FNDC1: variants seen among roughly 807,000 people sequenced by gnomAD.
The protein encoded by FNDC1 is fibronectin type III domain containing 1.
Under a neutral mutation model 168.0 loss-of-function variants are expected in FNDC1, and 96 were observed. The observed-to-expected ratio is 0.57, with a 90% CI of 0.48 to 0.68. The LOEUF is 0.68. Ranked by LOEUF, FNDC1 falls within the 30% of genes least tolerant of loss-of-function variation. FNDC1 has a pLI of 0.00. For missense variants in FNDC1, 2,587 were observed against 2,482.1 expected, an observed-to-expected ratio of 1.04 and a Z score of -0.90; for synonymous variants, 1,099 against 1,025.9, an observed-to-expected ratio of 1.07 and a Z score of -1.36.
intron 5 of FNDC1, among the ~76,000 whole-genome samples, chr6:159,217,551 T>C (rs1055897875): frequency 6.6e-6 from 1 of 152,146 alleles, no homozygotes; most frequent in African/African-American, 2.4e-5. Context: ...ATCCCTTCCC[T>C]GATACAGCCT....
At chr6:159,205,715 T>C (rs1782473139) in intron 4 of FNDC1, among the ~76,000 whole-genome samples, 1 of 152,238 alleles carries the variant, frequency 6.6e-6, no homozygotes, top group African/African-American at 2.4e-5. Context: ...CATGAAACTA[T>C]GAGGCTGAGT....
At chr6:159,260,608 C>G (rs984256262) in intron 18 of FNDC1, among the ~76,000 whole-genome samples, 1 of 152,224 alleles carries the variant, frequency 6.6e-6, no homozygotes, top group Non-Finnish European at 1.5e-5. Context: ...ACCCAATATA[C>G]CATTGTCATG....
rs768313869 is a variant in FNDC1 at position 159,221,627 on chromosome 6, C to A, written c.697C>A (p.Gln233Lys). ...GGAATCCGTGTATGTGGTCTCCCTG[C>A]AGTCCATGAACTCTCAGGGCCGGAG... ...ASESVYVVSLQSMNSQGRSQP... is the reference protein window; with the variant it reads ...ASESVYVVSLKSMNSQGRSQP... The change falls in exon 6 of 23, where the codon CAG becomes AAG. Residue 233 changes from glutamine (Q) to lysine (K), a missense_variant. By Grantham distance (53) the Gln-to-Lys change is moderately conservative. Transcript: ENST00000297267. 1 of 1,613,956 alleles carries A rather than the reference C, an allele frequency of 6.2e-7. No individual in the cohort carries two copies. The highest frequency in any genetic ancestry group is 8.5e-7 in the Non-Finnish European group (1 of 1,179,804).
intron 1 of FNDC1, among the ~76,000 whole-genome samples, chr6:159,181,391 A>G (rs1262554691): frequency 6.6e-6 from 1 of 152,196 alleles, no homozygotes; most frequent in Non-Finnish European, 1.5e-5. Flanking sequence ...TAATTATTTG[A>G]TCAAGCCTGG....
At chr6:159,204,965 C>A (rs748904736) in intron 4 of FNDC1, among the ~76,000 whole-genome samples, 89 of 152,248 alleles carry the variant, frequency 5.8e-4, no homozygotes, top group Non-Finnish European at 9.6e-4. Flanking sequence ...GCTGACATTG[C>A]CCCTCTCCCT....
At chr6:159,247,495 T>C (rs1415133738) in intron 15 of FNDC1, among the ~76,000 whole-genome samples, 1 of 152,184 alleles carries the variant, frequency 6.6e-6, no homozygotes, top group Non-Finnish European at 1.5e-5. Context: ...AAGCCTGTAA[T>C]CCTAACACTT....
intron 17 of FNDC1, 133 bp from the exon 18 acceptor site, chr6:159,256,390 G>A (rs1036856796): frequency 2.3e-5 from 16 of 682,400 alleles, no homozygotes; most frequent in Admixed American, 1.0e-4. Flanking sequence ...ACAGTGCCGC[G>A]TGCCCTCCTT....
chr6:159,184,589 A>T (rs937357989), intron 1 of FNDC1, among the ~76,000 whole-genome samples: 16 of 152,146 alleles, frequency 1.1e-4, no homozygotes, highest in African/African-American at 3.9e-4. Flanking sequence ...ACCTCTCCAG[A>T]ACCTTTGCTT....
intron 5 of FNDC1, among the ~76,000 whole-genome samples, chr6:159,218,041 G>A (rs1019042171): frequency 5.4e-5 from 8 of 147,756 alleles, no homozygotes; most frequent in African/African-American, 1.5e-4. Context: ...CAGGGAAATA[G>A]AGTCCCTGGT....
chr6:159,180,572 C>T (rs750807960), intron 1 of FNDC1, among the ~76,000 whole-genome samples: 82 of 152,014 alleles, frequency 5.4e-4, no homozygotes, highest in Non-Finnish European at 9.3e-4. Context: ...CCTGTCAACC[C>T]ATCACCTAGG....
intron 14 of FNDC1, among the ~76,000 whole-genome samples, chr6:159,245,111 G>T (rs531773367): frequency 6.6e-6 from 1 of 152,074 alleles, no homozygotes; most frequent in Non-Finnish European, 1.5e-5. Flanking sequence ...ATCAGATCTC[G>T]TGAGAATTTA....
At chr6:159,214,791 G>GA (rs1221449417) in intron 4 of FNDC1, among the ~76,000 whole-genome samples, 154 bp from the exon 5 acceptor site, 1 of 152,188 alleles carries the variant, frequency 6.6e-6, no homozygotes, top group Non-Finnish European at 1.5e-5. Context: ...ACCCTTGGGG[G>GA]AAAAATGTCC....
rs560950012 is a variant in FNDC1, at chr6:159,195,155, C to T, written c.110-2276C>T. ...TGCCTGTAGGGTTTTGTTTCAGAGTCCCCAAAAGGCCTTTATGTTAAAAAG... is the reference window on the plus strand; with the variant it reads ...TGCCTGTAGGGTTTTGTTTCAGAGTTCCCAAAAGGCCTTTATGTTAAAAAG... On this transcript the variant is annotated intron_variant, in intron 1 of 22. Coordinates refer to ENST00000297267, the MANE Select transcript of FNDC1 (RefSeq NM_032532.3). Among the ~76,000 whole-genome samples, 134 of 152,100 alleles carry T rather than the reference C, an allele frequency of 8.8e-4. 1 individual carries two copies. The highest frequency in any genetic ancestry group is 5.4e-4 in the Non-Finnish European group (37 of 68,012).
chr6:159,193,412 C>T (rs1782179702), intron 1 of FNDC1, among the ~76,000 whole-genome samples: 1 of 152,094 alleles, frequency 6.6e-6, no homozygotes, highest in African/African-American at 2.4e-5. Context: ...AGGCATGGTC[C>T]TTGGAGACTC....
rs1255890740 is a variant in FNDC1 at position 159,269,234 on chromosome 6, T to TATCCATCTATC, written c.5569+1311_5569+1312insCATCTATCATC. ...CTATCTATCTATCTATCTATCTATC[T>TATCCATCTATC]ATCTATCTATCTATCCATCTATCAT... On this transcript the variant is annotated intron_variant, in intron 22 of 22. Transcript: ENST00000297267. Among the ~76,000 whole-genome samples the TATCCATCTATC allele has an allele frequency of 1.2e-4, 16 of 130,674 alleles. 1 individual carries two copies. Among genetic ancestry groups the TATCCATCTATC allele is most frequent in the African/African-American group, 3.2e-4 (10 of 30,924 alleles). 85.7% of individuals were successfully genotyped at this position (130,674 alleles called of 152,430 possible). A position where few individuals can be genotyped will look rare whatever the true frequency, so the allele number is the denominator to read the frequency against.
At chr6:159,183,884 G>A (rs576441973) in intron 1 of FNDC1, among the ~76,000 whole-genome samples, 1 of 152,362 alleles carries the variant, frequency 6.6e-6, no homozygotes, top group East Asian at 1.9e-4. Context: ...GAGCTCATGT[G>A]TCCTTATGAA....
intron 15 of FNDC1, 131 bp from the exon 16 acceptor site, chr6:159,248,908 T>G (rs1054963055): frequency 7.6e-6 from 4 of 522,884 alleles, no homozygotes; most frequent in African/African-American, 2.0e-5. Flanking sequence ...TATTTTAGGG[T>G]GTGTGTGTGT....
chr6:159,221,136 C>G lies in FNDC1; in HGVS notation c.668-462C>G, dbSNP rs183401501. Among the ~76,000 whole-genome samples, 154 of 152,354 alleles carry G rather than the reference C, an allele frequency of 1.0e-3. 2 individuals carry two copies. The highest frequency in any genetic ancestry group is 8.9e-3 in the Admixed American group (136 of 15,300). On this transcript the variant is annotated intron_variant, in intron 5 of 22. Coordinates refer to ENST00000297267, the MANE Select transcript of FNDC1 (RefSeq NM_032532.3). ...CAGGGAAAGAAAGACCTGGGCTACT[C>G]ATGTTGCACATTGGCTATTCTTTTC... is the stretch of plus-strand genomic sequence containing the variant.
At chr6:159,266,063 G>A in intron 20 of FNDC1, 21 bp from the exon 21 acceptor site, 1 of 1,612,596 alleles carries the variant, frequency 6.2e-7, no homozygotes, top group African/African-American at 1.3e-5. Context: ...ACCCTTAGCA[G>A]GTGTGTTTTG....
Sources: allele counts gnomAD v4.1 joint callset (sites outside exome capture counted in the v4.1 genomes callset), GRCh38; gene constraint gnomAD v4.1.1; transcripts MANE v1.5; gene names NCBI Gene and HGNC (gene_info 2026-07-23, HGNC 2026-07-21).